The following SLC14A1 variants were observed in gnomAD, a reference collection of about 807,000 sequenced individuals.
SLC14A1 encodes solute carrier family 14 member 1 (Kidd blood group).
In SLC14A1, 36 loss-of-function variants were observed where a neutral mutation model predicts 39.6. The observed-to-expected ratio is 0.91, with a 90% CI of 0.70 to 1.20. The LOEUF (loss-of-function observed/expected upper bound fraction) is 1.20, where lower values mean the gene tolerates loss of function less well. Among genes scored for constraint, SLC14A1 ranks in the 50% most tolerant of loss-of-function variants. The pLI is 0.00. For missense variants in SLC14A1, 469 were observed against 478.7 expected, an observed-to-expected ratio of 0.98 and a Z score of 0.19; for synonymous variants, 164 against 173.6, an observed-to-expected ratio of 0.94 and a Z score of 0.43.
rs1045419439 is a variant in SLC14A1, at chr18:45,752,312, A to T, written c.*2361A>T. On this transcript the variant is annotated 3_prime_UTR_variant, in exon 10 of 10. Coordinates refer to ENST00000321925, the MANE Select transcript of SLC14A1 (RefSeq NM_015865.7). ...ACCCGAGTCGATCTTCAGAACAGGGATCTACCATGCAGGAGCTTCTTGTGC... is the reference window on the plus strand; with the variant it reads ...ACCCGAGTCGATCTTCAGAACAGGGTTCTACCATGCAGGAGCTTCTTGTGC... 120 of 854,854 alleles carry T rather than the reference A, an allele frequency of 1.4e-4. No individual in the cohort carries two copies. Among genetic ancestry groups the T allele is most frequent in the East Asian group, 7.3e-4 (6 of 8,174 alleles). 53.0% of individuals were successfully genotyped at this position (854,854 alleles called of 1,614,324 possible).
chr18:45,725,244 C>A (rs1387677027), intron 2 of SLC14A1, among the ~76,000 whole-genome samples: 1 of 152,104 alleles, frequency 6.6e-6, no homozygotes. Flanking sequence ...TATTAGTTGA[C>A]CTGAAATCTT....
chr18:45,736,480 T>A lies in SLC14A1; in HGVS notation c.495T>A (p.Asn165Lys). 6.2e-7 allele frequency: 1 copy of A among 1,614,208 alleles called. No homozygotes were observed. The highest frequency in any genetic ancestry group is 1.7e-5 in the Admixed American group (1 of 60,028). Residue 165 changes from asparagine to lysine, a missense_variant, in exon 6 of 10, where the codon AAT becomes AAA. Asn to Lys is a moderately conservative substitution (Grantham distance 94). Coordinates refer to ENST00000321925, the MANE Select transcript of SLC14A1 (RefSeq NM_015865.7). Reference sequence around the variant, plus strand: ...GCCCAATTTTCTCAAGTGCATTGAATTCCATGCTCAGCAAATGGGACCTCC... The same window carrying A: ...GCCCAATTTTCTCAAGTGCATTGAAATCCATGCTCAGCAAATGGGACCTCC... Reference protein sequence around the residue: ...MTCPIFSSALNSMLSKWDLPV... With the variant: ...MTCPIFSSALKSMLSKWDLPV...
intron 2 of SLC14A1, chr18:45,727,565 T>A (rs547020799): frequency 5.4e-5 from 55 of 1,010,332 alleles, no homozygotes; most frequent in South Asian, 3.5e-4. Flanking sequence ...AAAAGCCCCA[T>A]GGCGCTCACC....
rs1211302952 is a variant in SLC14A1 at position 45,730,372 on chromosome 18, G to A, written c.52G>A (p.Gly18Ser). The A allele has an allele frequency of 3.1e-6, 5 of 1,614,146 alleles. No individual in the cohort carries two copies. The highest frequency in any genetic ancestry group is 4.2e-6 in the Non-Finnish European group (5 of 1,180,018). The change falls in exon 3 of 10, where the codon GGT becomes AGT. Residue 18 changes from glycine (G) to serine (S), a missense_variant. Transcript: ENST00000321925. ...AGTGGACAGCCCCACTATGGTTAGG[G>A]GTGAAAACCAGGTTTCGCCATGTCA... ...VRVDSPTMVR[G>S]ENQVSPCQGR...
chr18:45,727,523 A>C (rs2046906467), intron 2 of SLC14A1: 1 of 1,337,958 alleles, frequency 7.5e-7, no homozygotes, highest in Non-Finnish European at 1.0e-6. Flanking sequence ...GTTGGCTGTG[A>C]GCTAAGCCAA....
At position 45,736,429 on chromosome 18, in the gene SLC14A1, C is replaced by T. The variant is rs139424869; in HGVS notation, c.471-27C>T. The T allele has an allele frequency of 3.9e-4, 635 of 1,612,074 alleles. 6 individuals are homozygous for T. In the East Asian group the frequency reaches 0.012, roughly 32 times the overall value. ...GTGTCAGCCTGCTTTGTCACATGCACATTCTTTTGCTCTGTTCTTTTTTTA... is the reference window on the plus strand; with the variant it reads ...GTGTCAGCCTGCTTTGTCACATGCATATTCTTTTGCTCTGTTCTTTTTTTA... On this transcript the variant is annotated intron_variant, in intron 5 of 9. Coordinates refer to ENST00000321925, the MANE Select transcript of SLC14A1 (RefSeq NM_015865.7).
At chr18:45,729,649 CA>C (rs2046970208) in intron 2 of SLC14A1, 1 of 152,114 alleles carries the variant, frequency 6.6e-6, no homozygotes. Context: ...ATTTAAATAA[CA>C]AATTCCAAAA....
At chr18:45,741,730 G>C (rs1375240413) in intron 8 of SLC14A1, among the ~76,000 whole-genome samples, 1 of 152,210 alleles carries the variant, frequency 6.6e-6, no homozygotes, top group African/African-American at 2.4e-5. Flanking sequence ...GACAGGTGCT[G>C]TAGCCACCTG....
chr18:45,739,050 G>A, intron 6 of SLC14A1, 113 bp from the exon 7 acceptor site: 3 of 1,113,996 alleles, frequency 2.7e-6, no homozygotes, highest in Non-Finnish European at 4.1e-6. Flanking sequence ...CACTGTTCTT[G>A]AAAGAGGTAA....
chr18:45,745,657 CA>C (rs1380203688), intron 8 of SLC14A1, among the ~76,000 whole-genome samples: 2 of 152,156 alleles, frequency 1.3e-5, no homozygotes, highest in African/African-American at 4.8e-5. Context: ...ACCTTCTTTT[CA>C]AGAAGCTAAA....
At chr18:45,738,455 A>G (rs749786341) in intron 6 of SLC14A1, among the ~76,000 whole-genome samples, 13 of 152,246 alleles carry the variant, frequency 8.5e-5, no homozygotes, top group Non-Finnish European at 1.6e-4. Flanking sequence ...TGAACAGAAT[A>G]ACTAAATTCA....
At chr18:45,729,587 C>A (rs2046968349) in intron 2 of SLC14A1, 1 of 152,200 alleles carries the variant, frequency 6.6e-6, no homozygotes, top group African/African-American at 2.4e-5. Context: ...CCAATTCCAT[C>A]TTTCCCAGTT....
intron 2 of SLC14A1, chr18:45,729,303 C>T (rs913217530): frequency 3.3e-5 from 5 of 152,190 alleles, no homozygotes; most frequent in African/African-American, 1.2e-4. Context: ...TGGCTTCCTC[C>T]CTCAGCCTGC....
At chr18:45,747,724 G>T (rs941341530) in intron 8 of SLC14A1, among the ~76,000 whole-genome samples, 4 of 151,992 alleles carry the variant, frequency 2.6e-5, no homozygotes, top group Non-Finnish European at 4.4e-5. Flanking sequence ...AAAAAAAGAC[G>T]TTTATTCATT....
chr18:45,735,969 T>C (rs1234217422), intron 5 of SLC14A1, among the ~76,000 whole-genome samples: 5 of 152,158 alleles, frequency 3.3e-5, no homozygotes, highest in Non-Finnish European at 7.3e-5. Flanking sequence ...CCACCAACTG[T>C]GATATCATTT....
intron 2 of SLC14A1, chr18:45,727,046 T>C (rs982616965): frequency 2.0e-6 from 1 of 511,438 alleles, no homozygotes; most frequent in Non-Finnish European, 3.5e-6. Flanking sequence ...CAAATTTCCA[T>C]AGTCAGCTGC....
chr18:45,736,318 T>C (rs2047192263), intron 5 of SLC14A1, 138 bp from the exon 6 acceptor site: 1 of 772,936 alleles, frequency 1.3e-6, no homozygotes, highest in Non-Finnish European at 2.3e-6. Flanking sequence ...TCCCAAGTTT[T>C]CTTTCTGTGG....
intron 2 of SLC14A1, chr18:45,729,346 T>A (rs867237219): frequency 1.3e-5 from 2 of 152,220 alleles, no homozygotes; most frequent in Non-Finnish European, 2.9e-5. Context: ...TTCTTTTTTA[T>A]CTACCATCAG....
chr18:45,725,652 C>G (rs1470785758), intron 2 of SLC14A1, among the ~76,000 whole-genome samples: 2 of 152,124 alleles, frequency 1.3e-5, no homozygotes, highest in Non-Finnish European at 2.9e-5. Flanking sequence ...TGACTTGAAC[C>G]GAACCTTGGG....
Sources: gnomAD v4.1 joint callset for allele counts (sites outside exome capture counted in the v4.1 genomes callset) on GRCh38, gnomAD v4.1.1 for gene constraint, MANE v1.5 for transcripts, NCBI Gene and HGNC (gene_info 2026-07-23, HGNC 2026-07-21) for gene names.